Variants in ERVFRD-1 observed in about 807,000 individuals in gnomAD.
ERVFRD-1 encodes the protein syncytin-2.
In ERVFRD-1, 33 loss-of-function variants were observed where a neutral mutation model predicts 43.8. The observed-to-expected ratio is 0.75, with a 90% CI of 0.57 to 1.01. ERVFRD-1 has a LOEUF of 1.01. ERVFRD-1 is among the 50% of genes least tolerant of loss of function. The pLI is 0.00. For missense variants in ERVFRD-1, 568 were observed against 658.4 expected, an observed-to-expected ratio of 0.86 and a Z score of 1.50; for synonymous variants, 239 against 244.4, an observed-to-expected ratio of 0.98 and a Z score of 0.21.
chr6:11,105,289 G>T lies in ERVFRD-1; in HGVS notation c.22C>A (p.Leu8Ile), dbSNP rs1275706228. The T allele has an allele frequency of 6.2e-7, 1 of 1,613,496 alleles. No individual in the cohort carries two copies. Among genetic ancestry groups the T allele is most frequent in the Admixed American group, 1.7e-5 (1 of 59,982 alleles). Reference sequence around the variant, plus strand: ...GCTGCTAGTGAAGGCGTGAGAATGAGAACCAGCAGGAGCAGGCCCATGGTG... The same window carrying T: ...GCTGCTAGTGAAGGCGTGAGAATGATAACCAGCAGGAGCAGGCCCATGGTG... MGLLLLV[L>I]ILTPSLAAYR... Residue 8 changes from leucine to isoleucine, a missense_variant, in exon 2 of 2, where the codon CTC becomes ATC. By Grantham distance (5) the Leu-to-Ile change is conservative (BLOSUM62 2). Transcript: ENST00000472091.
intron 1 of ERVFRD-1, among the ~76,000 whole-genome samples, chr6:11,107,131 G>A (rs1280290024): frequency 6.6e-6 from 1 of 152,206 alleles, no homozygotes; most frequent in African/African-American, 2.4e-5. Flanking sequence ...CGTATGTCAT[G>A]TGGATTATCT....
chr6:11,102,512 G>C lies in ERVFRD-1; in HGVS notation c.*1182C>G, dbSNP rs909603924. 1 of 152,190 alleles carries C rather than the reference G, an allele frequency of 6.6e-6. No homozygotes were observed. Among genetic ancestry groups the C allele is most frequent in the African/African-American group, 2.4e-5 (1 of 41,438 alleles). 9.4% of individuals were successfully genotyped at this position (152,190 alleles called of 1,614,324 possible). On this transcript the variant is annotated 3_prime_UTR_variant, in exon 2 of 2. Transcript: ENST00000472091. ...CATTAGCATTTTAGAGAGTTTATTT[G>C]AGCAAGGGTGATTCATGAACAGGCA... is the stretch of plus-strand genomic sequence containing the variant.
At chr6:11,106,657 A>G (rs1278173074) in intron 1 of ERVFRD-1, among the ~76,000 whole-genome samples, 1 of 152,238 alleles carries the variant, frequency 6.6e-6, no homozygotes, top group East Asian at 1.9e-4. Flanking sequence ...GAGAGAGAGC[A>G]GTTCACTGGG....
At position 11,103,638 on chromosome 6, in the gene ERVFRD-1, C is replaced by CG; in HGVS notation, c.*55dup. 6.7e-7 allele frequency: 1 copy of CG among 1,482,610 alleles called. No individual in the cohort carries two copies. The highest frequency in any genetic ancestry group is 1.8e-4 in the Middle Eastern group (1 of 5,626). The allele number at this position is 1,482,610 out of a possible 1,614,324, so 91.8% of individuals were successfully genotyped here. On this transcript the variant is annotated 3_prime_UTR_variant, in exon 2 of 2. Transcript: ENST00000472091. Reference sequence around the variant, plus strand: ...CATATCCAGCCAGGTCCACGGGAGACGGGGCAGGATTTCGCCTCTGTCGTG... The same window carrying CG: ...CATATCCAGCCAGGTCCACGGGAGACGGGGGCAGGATTTCGCCTCTGTCGTG...
Position 11,103,903 on chromosome 6 carries a change from A to C in ERVFRD-1, c.1408T>G (p.Trp470Gly), listed in dbSNP as rs1378761971. The change falls in exon 2 of 2, where the codon TGG (tryptophan) becomes GGG (glycine). Residue 470 changes from tryptophan to glycine, a missense_variant. Physicochemically the swap from Trp to Gly is radical, Grantham distance 184. Transcript: ENST00000472091. The part of the protein sequence containing the change: ...SSLRERATQG[W>G]LNWEGTWKWF... Reference sequence around the variant, plus strand: ...TTCCAAGTTCCTTCCCAATTTAACCAACCCTGAGTGGCTCGTTCCCGTAAA... The same window carrying C: ...TTCCAAGTTCCTTCCCAATTTAACCCACCCTGAGTGGCTCGTTCCCGTAAA... 15 of 1,551,570 alleles carry C rather than the reference A, an allele frequency of 9.7e-6. No individual in the cohort carries two copies. Among genetic ancestry groups the C allele is most frequent in the Non-Finnish European group, 1.3e-5 (15 of 1,147,002 alleles).
chr6:11,102,809 G>A lies in ERVFRD-1; in HGVS notation c.*885C>T, dbSNP rs1238586800. 6.6e-6 allele frequency: 1 copy of A among 152,222 alleles called. No individual in the cohort carries two copies. Among genetic ancestry groups the A allele is most frequent in the East Asian group, 1.9e-4 (1 of 5,194 alleles). 9.4% of individuals were successfully genotyped at this position (152,222 alleles called of 1,614,324 possible). A position where few individuals can be genotyped will look rare whatever the true frequency, so the allele number is the denominator to read the frequency against. ...GCAGACTCCATCCTTGCCCCCCGGA[G>A]GAGAGGAGGGAATTTGGCCGGGGAG... On this transcript the variant is annotated 3_prime_UTR_variant, in exon 2 of 2. Transcript: ENST00000472091.
chr6:11,111,371 A>C (rs1758163967), intron 1 of ERVFRD-1, among the ~76,000 whole-genome samples: 2 of 152,118 alleles, frequency 1.3e-5, no homozygotes, highest in Non-Finnish European at 2.9e-5. Context: ...TTAGTTGAAA[A>C]AGCAGAGGAA....
chr6:11,106,494 C>G (rs1194301483), intron 1 of ERVFRD-1, among the ~76,000 whole-genome samples: 1 of 152,250 alleles, frequency 6.6e-6, no homozygotes, highest in Non-Finnish European at 1.5e-5. Context: ...CTTAGACTGT[C>G]TCTTCTAAAG....
At chr6:11,107,040 TC>T (rs1036429280) in intron 1 of ERVFRD-1, among the ~76,000 whole-genome samples, 1 of 152,188 alleles carries the variant, frequency 6.6e-6, no homozygotes, top group Non-Finnish European at 1.5e-5. Context: ...AGCTTTAACC[TC>T]TGTAATTTGT....
At chr6:11,108,434 G>A (rs544731118) in intron 1 of ERVFRD-1, among the ~76,000 whole-genome samples, 2 of 152,308 alleles carry the variant, frequency 1.3e-5, no homozygotes, top group South Asian at 2.1e-4. Flanking sequence ...TGTCCTGAGG[G>A]CCTTTCAGCT....
chr6:11,104,576 TC>T lies in ERVFRD-1; in HGVS notation c.734del (p.Gly245GlufsTer13), dbSNP rs773537004. On this transcript the variant is annotated frameshift_variant, in exon 2 of 2. Transcript: ENST00000472091. LOFTEE classifies it high-confidence loss of function. ...CGCAGGGTGTTTGGCTCTGGTTAGCTCCCTTGGTTTTATTTTCCCAAAAAAG... is the reference window on the plus strand; with the variant it reads ...CGCAGGGTGTTTGGCTCTGGTTAGCTCCTTGGTTTTATTTTCCCAAAAAAG... The part of the protein sequence containing the change: ...NSLFWENKTK[G>X]ANQSQTPCVQ... 6.2e-7 allele frequency: 1 copy of T among 1,611,676 alleles called. No homozygotes were observed. The highest frequency in any genetic ancestry group is 2.2e-5 in the East Asian group (1 of 44,868).
intron 1 of ERVFRD-1, among the ~76,000 whole-genome samples, chr6:11,107,729 A>G (rs566165406): frequency 2.0e-5 from 3 of 152,318 alleles, no homozygotes; most frequent in Admixed American, 6.5e-5. Flanking sequence ...TGCCTCATTT[A>G]TGATTCTCAG....
rs1437610423 is a variant in ERVFRD-1 at position 11,104,282 on chromosome 6, G to T, written c.1029C>A (p.Ser343=). 6.4e-7 allele frequency: 1 copy of T among 1,551,718 alleles called. No homozygotes were observed. The highest frequency in any genetic ancestry group is 8.7e-7 in the Non-Finnish European group (1 of 1,147,002). The change falls in exon 2 of 2, where the codon TCC becomes TCA. Residue 343 remains serine, a synonymous_variant. Transcript: ENST00000472091. ...TTGCCCTCCTCACCCTGGGCAACGG[G>T]GAATTCCCATAGATTGGTATTGGAA... ...LSLPIPIYGN[S]PLPRVRRAIH...
At position 11,102,744 on chromosome 6, in the gene ERVFRD-1, T is replaced by C. The variant is rs1758013714; in HGVS notation, c.*950A>G. On this transcript the variant is annotated 3_prime_UTR_variant, in exon 2 of 2. Transcript: ENST00000472091. ...AGTTTGCTTGGTGCTGGAACCTAAA[T>C]GGTGGAACTGTTACCAGCAGCAAAT... The C allele has an allele frequency of 6.6e-6, 1 of 152,218 alleles. No homozygotes were observed. Among genetic ancestry groups the C allele is most frequent in the Non-Finnish European group, 1.5e-5 (1 of 68,042 alleles). The allele number at this position is 152,218 out of a possible 1,614,324, so 9.4% of individuals were successfully genotyped here.
chr6:11,106,255 G>A (rs1232443179), intron 1 of ERVFRD-1, among the ~76,000 whole-genome samples: 3 of 152,188 alleles, frequency 2.0e-5, no homozygotes, highest in African/African-American at 7.2e-5. Context: ...TCCTGTGAAG[G>A]TGTCTACACA....
In ERVFRD-1 at chr6:11,103,580, C is replaced by T; in HGVS notation, c.*114G>A. ...TGGGTCTTGGCCTCTTGCTAGCTGT[C>T]AGGGCAGGATGGCTCTGTGGATTGG... is the stretch of plus-strand genomic sequence containing the variant. On this transcript the variant is annotated 3_prime_UTR_variant, in exon 2 of 2. Transcript: ENST00000472091. 7.1e-7 allele frequency: 1 copy of T among 1,417,186 alleles called. No homozygotes were observed. The highest frequency in any genetic ancestry group is 1.4e-5 in the African/African-American group (1 of 69,520). The allele number at this position is 1,417,186 out of a possible 1,614,324, so 87.8% of individuals were successfully genotyped here. A position where few individuals can be genotyped will look rare whatever the true frequency, so the allele number is the denominator to read the frequency against.
At chr6:11,111,013 A>G (rs976081352) in intron 1 of ERVFRD-1, among the ~76,000 whole-genome samples, 3 of 152,180 alleles carry the variant, frequency 2.0e-5, no homozygotes, top group Non-Finnish European at 4.4e-5. Context: ...GAGCTGACAG[A>G]GCTAAGGTTC....
At chr6:11,109,139 C>T (rs1176279766) in intron 1 of ERVFRD-1, among the ~76,000 whole-genome samples, 1 of 152,238 alleles carries the variant, frequency 6.6e-6, no homozygotes, top group Non-Finnish European at 1.5e-5. Flanking sequence ...GTTGGACCGC[C>T]ACCATAATGG....
rs776050141 is a variant in ERVFRD-1, at chr6:11,104,552, G to T, written c.759C>A (p.Cys253Ter). The change falls in exon 2 of 2, where the codon TGC (cysteine) becomes TGA (stop). Residue 253 changes from cysteine to a stop codon, truncating the protein, a stop_gained. Coordinates refer to ENST00000472091, the MANE Select transcript of ERVFRD-1 (RefSeq NM_207582.3). LOFTEE classifies it high-confidence loss of function. ...TKGANQSQTP[C>*]VQVLAGMTIA... is the part of the protein sequence containing the mutation. ...TAGTCATGCCTGCTAAGACTTGGAC[G>T]CAGGGTGTTTGGCTCTGGTTAGCTC... 1.3e-6 allele frequency: 2 copies of T among 1,596,436 alleles called. No homozygotes were observed. Among genetic ancestry groups the T allele is most frequent in the Non-Finnish European group, 1.7e-6 (2 of 1,170,690 alleles).
Sources: allele counts gnomAD v4.1 joint callset (sites outside exome capture counted in the v4.1 genomes callset), GRCh38; gene constraint gnomAD v4.1.1; transcripts MANE v1.5; gene names NCBI Gene and HGNC (gene_info 2026-07-23, HGNC 2026-07-21).